Variants in ZFP28 observed in about 807,000 individuals in gnomAD.
ZFP28 encodes the protein ZFP28 zinc finger protein, also known as zinc finger protein 28 homolog.
ZFP28 carries 31 observed loss-of-function variants against 39.5 expected under a neutral mutation model. That is an observed-to-expected ratio of 0.79 (90% confidence interval 0.59 to 1.06). The LOEUF (loss-of-function observed/expected upper bound fraction) is 1.06, where lower values mean the gene tolerates loss of function less well. Among genes scored for constraint, ZFP28 ranks in the 50% least tolerant of loss-of-function variants. The probability of loss-of-function intolerance (pLI) is 0.00; values close to 1 mark genes in which losing one functional copy is unlikely to be tolerated. For synonymous variants in ZFP28, 400 were observed against 378.6 expected (o/e 1.06, Z -0.66); for missense variants, 925 against 1,048.4 (o/e 0.88, Z 1.63).
At chr19:56,550,796 G>T in intron 7 of ZFP28, 191 bp downstream of exon 7, 1 of 1,512,914 alleles carries the variant, frequency 6.6e-7, no homozygotes, top group Non-Finnish European at 8.8e-7. Flanking sequence ...TCCAGTAACT[G>T]CCATTTCCCT....
chr19:56,550,545 C>G lies in ZFP28; in HGVS notation c.838C>G (p.Leu280Val), dbSNP rs776822422. 185 of 1,613,978 alleles carry G rather than the reference C, an allele frequency of 1.1e-4. 1 individual carries two copies. The South Asian group carries it at 1.9e-3, about 17-fold the overall frequency. Residue 280 changes from leucine to valine, a missense_variant, in exon 7 of 8, where the codon CTA becomes GTA. Physicochemically the swap from Leu to Val is conservative, Grantham distance 32 (BLOSUM62 1). Coordinates refer to ENST00000301318, the MANE Select transcript of ZFP28 (RefSeq NM_020828.2). ...CVAKPDLVSL[L>V]EQEKEPWMVK... is the part of the protein sequence containing the mutation. ...GGCTAAGCCAGATTTAGTCTCTTTA[C>G]TAGAGCAAGAGAAGGAGCCCTGGAT...
Position 56,539,618 on chromosome 19 carries a change from C to T in ZFP28, c.209-7C>T. ...ACCTGGTCTCTAGCTACTCCTTTCT[C>T]TTTCAGCTCTGCCTTCCAGGGACAC... is the stretch of plus-strand genomic sequence containing the variant. On this transcript the variant is annotated splice_polypyrimidine_tract_variant and splice_region_variant and intron_variant, in intron 1 of 7. Transcript: ENST00000301318. 1 of 1,613,644 alleles carries T rather than the reference C, an allele frequency of 6.2e-7. No homozygotes were observed. Among genetic ancestry groups the T allele is most frequent in the Non-Finnish European group, 8.5e-7 (1 of 1,179,722 alleles).
Position 56,549,140 on chromosome 19 carries a change from T to G in ZFP28, c.687+19T>G. 1 of 1,590,490 alleles carries G rather than the reference T, an allele frequency of 6.3e-7. No homozygotes were observed. Among genetic ancestry groups the G allele is most frequent in the Non-Finnish European group, 8.6e-7 (1 of 1,167,100 alleles). On this transcript the variant is annotated intron_variant, in intron 5 of 7. Coordinates refer to ENST00000301318, the MANE Select transcript of ZFP28 (RefSeq NM_020828.2). ...ACAGCCGGTAAGTCACAAGACAAAT[T>G]TCAGGCAAGAGGAAGGATCCTTCAT...
rs1486670959 is a variant in ZFP28 at position 56,554,336 on chromosome 19, C to T, written c.1551C>T (p.His517=). ...CIDCGKAFSD[H]IGLNQHRRIH... is the part of the protein sequence containing the mutation. ...ATTGTGGGAAAGCCTTCAGTGACCACATAGGGCTTAATCAACACAGGAGAA... is the reference window on the plus strand; with the variant it reads ...ATTGTGGGAAAGCCTTCAGTGACCATATAGGGCTTAATCAACACAGGAGAA... Residue 517 remains histidine, a synonymous_variant, in exon 8 of 8, where the codon CAC becomes CAT. Coordinates refer to ENST00000301318, the MANE Select transcript of ZFP28 (RefSeq NM_020828.2). The surrounding 1 kb of genome is among the most constrained non-coding windows in gnomAD (Gnocchi z 6.7). The T allele has an allele frequency of 6.2e-7, 1 of 1,614,130 alleles. No individual in the cohort carries two copies. Among genetic ancestry groups the T allele is most frequent in the Non-Finnish European group, 8.5e-7 (1 of 1,180,020 alleles).
In ZFP28 at chr19:56,554,966, A is replaced by G; in HGVS notation, c.2181A>G (p.Arg727=). 1 of 1,614,170 alleles carries G rather than the reference A, an allele frequency of 6.2e-7. No homozygotes were observed. The highest frequency in any genetic ancestry group is 8.5e-7 in the Non-Finnish European group (1 of 1,180,036). The change falls in exon 8 of 8, where the codon AGA becomes AGG. Residue 727 remains arginine, a synonymous_variant. Transcript: ENST00000301318. This position sits in a 1 kb window ranked among gnomAD's most constrained non-coding sequence, Gnocchi z 6.7. ...ATCAAAGACTGCACACTGGCCAAAG[A>G]CCTTATGAATGTATTGAGTGTGGAA... ...TQHQRLHTGQ[R]PYECIECGKA...
chr19:56,553,572 G>A, intron 7 of ZFP28, 112 bp from the exon 8 acceptor site: 1 of 1,353,568 alleles, frequency 7.4e-7, no homozygotes, highest in Non-Finnish European at 1.0e-6. Flanking sequence ...GCTGTAAAAT[G>A]TATGTTGATG....
In ZFP28 at chr19:56,547,849, A is replaced by G. The variant is rs1370132152; in HGVS notation, c.470A>G (p.Gln157Arg). 2 of 1,614,146 alleles carry G rather than the reference A, an allele frequency of 1.2e-6. No individual in the cohort carries two copies. Among genetic ancestry groups the G allele is most frequent in the Non-Finnish European group, 1.7e-6 (2 of 1,180,022 alleles). ...CCCGATGTGATCTCCTCGTTGGAAC[A>G]AGGAAAAGAGCCTTGGACAGTGAAG... Reference protein sequence around the residue: ...SKPDVISSLEQGKEPWTVKRK... With the variant: ...SKPDVISSLERGKEPWTVKRK... Residue 157 changes from glutamine (Q) to arginine (R), a missense_variant, in exon 4 of 8, where the codon CAA (glutamine) becomes CGA (arginine). Coordinates refer to ENST00000301318, the MANE Select transcript of ZFP28 (RefSeq NM_020828.2). This position sits in a 1 kb window ranked among gnomAD's most constrained non-coding sequence, Gnocchi z 4.6.
chr19:56,538,614 C>T (rs2044156787), upstream of ZFP28: 1 of 152,110 alleles, frequency 6.6e-6, no homozygotes, highest in Non-Finnish European at 1.5e-5. Context: ...GGCCCGGGGC[C>T]AAACCGTATC....
Position 56,555,395 on chromosome 19 carries a change from T to C in ZFP28, c.*3T>C. ...CATCCTCCCTCCCATCACCATAGCCTCGAGACGTCATTTCTGTTTGACTAC... is the reference window on the plus strand; with the variant it reads ...CATCCTCCCTCCCATCACCATAGCCCCGAGACGTCATTTCTGTTTGACTAC... On this transcript the variant is annotated 3_prime_UTR_variant, in exon 8 of 8. Transcript: ENST00000301318. 1 of 1,595,102 alleles carries C rather than the reference T, an allele frequency of 6.3e-7. No individual in the cohort carries two copies. Among genetic ancestry groups the C allele is most frequent in the Non-Finnish European group, 8.5e-7 (1 of 1,171,358 alleles).
chr19:56,551,827 TTG>T (rs2044307011), intron 7 of ZFP28: 1 of 983,818 alleles, frequency 1.0e-6, no homozygotes, highest in Non-Finnish European at 1.2e-6. Flanking sequence ...CAGTTCTCTC[TTG>T]TGTGTTAAAT....
chr19:56,556,651 G>T lies in ZFP28; in HGVS notation c.*1259G>T, dbSNP rs779459345. 2.0e-5 allele frequency: 3 copies of T among 151,924 alleles called. No individual in the cohort carries two copies. The highest frequency in any genetic ancestry group is 4.4e-5 in the Non-Finnish European group (3 of 67,970). The allele number at this position is 151,924 out of a possible 1,614,324, so 9.4% of individuals were successfully genotyped here. ...CTAGAGTAGAGAAAAATGTATAAAAGATTTTAATTTTATGAGGGCAATACA... is the reference window on the plus strand; with the variant it reads ...CTAGAGTAGAGAAAAATGTATAAAATATTTTAATTTTATGAGGGCAATACA... On this transcript the variant is annotated 3_prime_UTR_variant, in exon 8 of 8. Coordinates refer to ENST00000301318, the MANE Select transcript of ZFP28 (RefSeq NM_020828.2).
At position 56,554,651 on chromosome 19, in the gene ZFP28, T is replaced by C; in HGVS notation, c.1866T>C (p.Cys622=). 6.2e-7 allele frequency: 1 copy of C among 1,613,460 alleles called. No individual in the cohort carries two copies. The highest frequency in any genetic ancestry group is 1.1e-5 in the South Asian group (1 of 91,048). The change falls in exon 8 of 8, where the codon TGT becomes TGC. Residue 622 remains cysteine (C), a synonymous_variant. Transcript: ENST00000301318. The surrounding 1 kb of genome is among the most constrained non-coding windows in gnomAD (Gnocchi z 6.7). ...TGEKPFECAE[C]GKSFSISSQL... is the part of the protein sequence containing the mutation. ...AGAAGCCTTTTGAATGTGCGGAGTG[T>C]GGAAAATCCTTCAGCATCAGTTCTC...
rs1348665274 is a variant in ZFP28, at chr19:56,556,687, C to T, written c.*1295C>T. 1 of 151,756 alleles carries T rather than the reference C, an allele frequency of 6.6e-6. No individual in the cohort carries two copies. Among genetic ancestry groups the T allele is most frequent in the African/African-American group, 2.4e-5 (1 of 41,278 alleles). 9.4% of individuals were successfully genotyped at this position (151,756 alleles called of 1,614,324 possible). On this transcript the variant is annotated 3_prime_UTR_variant, in exon 8 of 8. Coordinates refer to ENST00000301318, the MANE Select transcript of ZFP28 (RefSeq NM_020828.2). ...TATGAGGGCAATACAACTGTCACAT[C>T]AGAAACAAGAAAACAAATGATAAAG...
chr19:56,547,733 G>A lies in ZFP28; in HGVS notation c.428-74G>A. 6.3e-7 allele frequency: 1 copy of A among 1,599,472 alleles called. No homozygotes were observed. The highest frequency in any genetic ancestry group is 2.2e-5 in the East Asian group (1 of 44,586). On this transcript the variant is annotated intron_variant, in intron 3 of 7. Transcript: ENST00000301318. This position sits in a 1 kb window ranked among gnomAD's most constrained non-coding sequence, Gnocchi z 4.6. ...TCACCCAGACCTGCACTGCCCTCTTGCGTCAAGCCAAGGGGACTGCATCTC... is the reference window on the plus strand; with the variant it reads ...TCACCCAGACCTGCACTGCCCTCTTACGTCAAGCCAAGGGGACTGCATCTC...
At chr19:56,552,454 T>C (rs1456297907) in intron 7 of ZFP28, 1 of 152,182 alleles carries the variant, frequency 6.6e-6, no homozygotes, top group Non-Finnish European at 1.5e-5. Context: ...GTTGAGAATA[T>C]GTGCTCTTAA....
At chr19:56,551,641 G>A (rs113555455) in intron 7 of ZFP28, 74 of 985,240 alleles carry the variant, frequency 7.5e-5, no homozygotes, top group Non-Finnish European at 8.9e-5. Flanking sequence ...GCAACAATTA[G>A]ATGTATGAGT....
At chr19:56,543,126 T>C (rs10414761) in intron 2 of ZFP28, among the ~76,000 whole-genome samples, 44,231 of 151,932 alleles carry the variant, frequency 0.29, 6,801 homozygotes, top group East Asian at 0.51. Flanking sequence ...CAAATAAATG[T>C]TTATTTGTAT....
chr19:56,550,921 T>C (rs1353186215), intron 7 of ZFP28: 38 of 1,424,378 alleles, frequency 2.7e-5, no homozygotes, highest in Non-Finnish European at 3.3e-5. Context: ...TTCTCTTCTG[T>C]GGTTAAATGG....
intron 2 of ZFP28, among the ~76,000 whole-genome samples, chr19:56,544,267 C>T (rs996266545): frequency 3.9e-5 from 6 of 152,214 alleles, no homozygotes; most frequent in African/African-American, 1.2e-4. Context: ...ATCCAGCCCA[C>T]CACCACCTCC....
Sources: allele counts gnomAD v4.1 joint callset (sites outside exome capture counted in the v4.1 genomes callset), GRCh38; gene constraint gnomAD v4.1.1; non-coding constraint Gnocchi (gnomAD v3.1); transcripts MANE v1.5; gene names NCBI Gene and HGNC (gene_info 2026-07-23, HGNC 2026-07-21).